The following NEGR1 variants were observed in gnomAD, a reference collection of about 807,000 sequenced individuals.
NEGR1 encodes neuronal growth regulator 1.
Under a neutral mutation model 40.9 loss-of-function variants are expected in NEGR1, and 10 were observed. That is an observed-to-expected ratio of 0.24 (90% CI 0.15 to 0.42). The LOEUF (loss-of-function observed/expected upper bound fraction) is 0.42, where lower values mean the gene tolerates loss of function less well. Ranked by LOEUF, NEGR1 falls within the 10% of genes least tolerant of loss-of-function variation. The pLI is 1.00. For synonymous variants in NEGR1, 185 were observed against 166.8 expected (o/e 1.11, Z -0.84); for missense variants, 352 against 438.9 (o/e 0.80, Z 1.77).
chr1:71,954,205 C>A (rs532966357), intron 1 of NEGR1, among the ~76,000 whole-genome samples: 34 of 151,802 alleles, frequency 2.2e-4, no homozygotes, highest in Middle Eastern at 6.8e-3. Flanking sequence ...TAAAGAGACA[C>A]AAAATAAGGA....
At chr1:71,990,095 A>G (rs1646436534) in intron 1 of NEGR1, among the ~76,000 whole-genome samples, 1 of 152,166 alleles carries the variant, frequency 6.6e-6, no homozygotes, top group Non-Finnish European at 1.5e-5. Flanking sequence ...ATTATCAACT[A>G]TGAAAATGCA....
chr1:71,990,880 C>T (rs1178196914), intron 1 of NEGR1, among the ~76,000 whole-genome samples: 1 of 151,058 alleles, frequency 6.6e-6, no homozygotes, highest in African/African-American at 2.4e-5. Flanking sequence ...ATGACTCTCC[C>T]AATCTATATC....
chr1:72,130,687 A>G (rs1650212686), intron 1 of NEGR1, among the ~76,000 whole-genome samples: 1 of 151,958 alleles, frequency 6.6e-6, no homozygotes, highest in Admixed American at 6.6e-5. Flanking sequence ...TACCTCTGAG[A>G]CCTCATCTCC....
At chr1:72,007,497 T>C (rs914781587) in intron 1 of NEGR1, among the ~76,000 whole-genome samples, 5 of 152,150 alleles carry the variant, frequency 3.3e-5, no homozygotes, top group African/African-American at 7.2e-5. Flanking sequence ...AGGGTGCCCC[T>C]GAAGAAGGTC....
chr1:71,473,133 T>G (rs543744803), intron 6 of NEGR1, among the ~76,000 whole-genome samples: 25 of 152,196 alleles, frequency 1.6e-4, no homozygotes, highest in African/African-American at 5.5e-4. Flanking sequence ...TAATACCTGA[T>G]AAGATAACAG....
chr1:71,752,002 T>A (rs1193843574), intron 3 of NEGR1, among the ~76,000 whole-genome samples: 1 of 152,152 alleles, frequency 6.6e-6, no homozygotes, highest in African/African-American at 2.4e-5. Context: ...ATTGAAAACA[T>A]GTTGATATAT....
At chr1:72,264,516 A>T (rs897556711) in intron 1 of NEGR1, among the ~76,000 whole-genome samples, 2 of 142,800 alleles carry the variant, frequency 1.4e-5, no homozygotes, top group African/African-American at 5.2e-5. Context: ...TTAAGTTTTA[A>T]ATATAGAAAT....
chr1:72,140,979 G>A (rs1650655434), intron 1 of NEGR1, among the ~76,000 whole-genome samples: 3 of 152,010 alleles, frequency 2.0e-5, no homozygotes, highest in Admixed American at 2.0e-4. Context: ...TTTGCTGAAT[G>A]ATATGAATGT....
intron 6 of NEGR1, among the ~76,000 whole-genome samples, chr1:71,576,337 T>G (rs968573810): frequency 5.3e-5 from 8 of 152,154 alleles, no homozygotes; most frequent in Admixed American, 3.9e-4. Context: ...CCATAGTATT[T>G]TGGGGTTGCG....
intron 6 of NEGR1, among the ~76,000 whole-genome samples, chr1:71,551,342 T>C (rs962171485): frequency 1.7e-4 from 26 of 151,622 alleles, no homozygotes; most frequent in African/African-American, 6.0e-4. Flanking sequence ...AATGGCCTAA[T>C]GAACTATTCA....
chr1:72,124,324 C>T (rs931982985), intron 1 of NEGR1, among the ~76,000 whole-genome samples: 6 of 151,880 alleles, frequency 4.0e-5, no homozygotes, highest in African/African-American at 9.7e-5. Context: ...ACTTCTCCTA[C>T]TATTATGGCC....
intron 2 of NEGR1, among the ~76,000 whole-genome samples, chr1:71,836,428 C>T (rs1350933348): frequency 8.7e-6 from 1 of 115,158 alleles, no homozygotes; most frequent in African/African-American, 3.2e-5. Flanking sequence ...GGCTCTGGCT[C>T]AAAAAAAAAA....
intron 1 of NEGR1, among the ~76,000 whole-genome samples, chr1:72,231,858 T>C (rs972027730): frequency 6.6e-6 from 1 of 152,082 alleles, no homozygotes; most frequent in African/African-American, 2.4e-5. Flanking sequence ...GAAAGTAAGA[T>C]TTTGGTTTTG....
intron 1 of NEGR1, among the ~76,000 whole-genome samples, chr1:72,258,299 C>T (rs933598268): frequency 6.6e-6 from 1 of 152,152 alleles, no homozygotes. Flanking sequence ...GATCCCACAA[C>T]TAAGAATTAT....
intron 4 of NEGR1, among the ~76,000 whole-genome samples, chr1:71,688,577 C>T (rs1653142665): frequency 6.6e-6 from 1 of 151,106 alleles, no homozygotes; most frequent in Non-Finnish European, 1.5e-5. Context: ...CTGCCTCAGC[C>T]TCCCAAGTAG....
intron 4 of NEGR1, among the ~76,000 whole-genome samples, chr1:71,629,043 T>A (rs969126235): frequency 2.8e-4 from 43 of 152,144 alleles, no homozygotes; most frequent in African/African-American, 1.0e-3. Flanking sequence ...AGTGTGAAAG[T>A]GTTCATATTT....
intron 6 of NEGR1, among the ~76,000 whole-genome samples, chr1:71,561,425 T>C (rs926573941): frequency 1.3e-5 from 2 of 151,696 alleles, no homozygotes; most frequent in African/African-American, 4.8e-5. Flanking sequence ...GGGATTTTTT[T>C]TGGCACTCAC....
intron 2 of NEGR1, among the ~76,000 whole-genome samples, chr1:71,823,219 T>G (rs1261292020): frequency 4.8e-5 from 7 of 146,624 alleles, no homozygotes; most frequent in Admixed American, 4.7e-4. Context: ...TTTTTTTTTT[T>G]GCCCAGAATT....
chr1:72,134,745 T>G (rs1433670174), intron 1 of NEGR1, among the ~76,000 whole-genome samples: 1 of 151,618 alleles, frequency 6.6e-6, no homozygotes, highest in Non-Finnish European at 1.5e-5. Flanking sequence ...TATTTATTCA[T>G]TTATTTTTTG....
Sources: allele counts gnomAD v4.1 joint callset (sites outside exome capture counted in the v4.1 genomes callset), GRCh38; gene constraint gnomAD v4.1.1; transcripts MANE v1.5; gene names NCBI Gene and HGNC (gene_info 2026-07-23, HGNC 2026-07-21).